MIPOL1: variants seen among roughly 807,000 people sequenced by gnomAD.
The protein encoded by MIPOL1 is mirror-image polydactyly 1.
MIPOL1 carries 57 observed loss-of-function variants against 60.9 expected under a neutral mutation model. The ratio of observed to expected loss-of-function variants is 0.94; its 90% confidence interval spans 0.76 to 1.17. The LOEUF is 1.17. Ranked by LOEUF, MIPOL1 falls within the 50% of genes most tolerant of loss-of-function variation. The pLI is 0.00. For synonymous variants in MIPOL1, 179 were observed against 168.8 expected, an observed-to-expected ratio of 1.06 and a Z score of -0.47; for missense variants, 551 against 511.6, an observed-to-expected ratio of 1.08 and a Z score of -0.74.
intron 11 of MIPOL1, among the ~76,000 whole-genome samples, chr14:37,461,332 A>T (rs541643671): frequency 6.6e-6 from 1 of 152,202 alleles, no homozygotes; most frequent in East Asian, 1.9e-4. Flanking sequence ...TGTGCAAGGG[A>T]ACTCTCATTT....
At chr14:37,369,670 T>G in intron 10 of MIPOL1, 46 bp downstream of exon 10, 1 of 1,441,688 alleles carries the variant, frequency 6.9e-7, no homozygotes, top group Non-Finnish European at 9.7e-7. Context: ...TTGTAAGCCC[T>G]TGGTGCCAGC....
At chr14:37,250,150 A>G (rs1471560487) in intron 3 of MIPOL1, among the ~76,000 whole-genome samples, 1 of 152,234 alleles carries the variant, frequency 6.6e-6, no homozygotes, top group Non-Finnish European at 1.5e-5. Context: ...TACAGCAGAC[A>G]TGACTGATAC....
chr14:37,274,715 C>T (rs2083521912), intron 6 of MIPOL1, among the ~76,000 whole-genome samples: 1 of 151,252 alleles, frequency 6.6e-6, no homozygotes, highest in Non-Finnish European at 1.5e-5. Flanking sequence ...CCTCACTAAG[C>T]ATTAGTTAAA....
At chr14:37,260,393 G>C (rs2082440965) in intron 3 of MIPOL1, among the ~76,000 whole-genome samples, 1 of 152,086 alleles carries the variant, frequency 6.6e-6, no homozygotes, top group South Asian at 2.1e-4. Flanking sequence ...TAGAAAGGGA[G>C]ACACACATAG....
chr14:37,349,240 G>T (rs185987251), intron 9 of MIPOL1, among the ~76,000 whole-genome samples: 5 of 152,032 alleles, frequency 3.3e-5, no homozygotes, highest in African/African-American at 1.2e-4. Context: ...CACCCACCTC[G>T]GCCTCCCAAA....
intron 1 of MIPOL1, among the ~76,000 whole-genome samples, chr14:37,225,376 C>T (rs1299179230): frequency 1.3e-5 from 2 of 152,250 alleles, no homozygotes; most frequent in African/African-American, 2.4e-5. Context: ...TCTGCCTGGA[C>T]ATCCAGGCAT....
At chr14:37,533,351 G>C (rs530630610) in intron 12 of MIPOL1, among the ~76,000 whole-genome samples, 1 of 152,106 alleles carries the variant, frequency 6.6e-6, no homozygotes, top group Non-Finnish European at 1.5e-5. Context: ...ATTGATTCCC[G>C]ATAAGAAAAA....
chr14:37,537,150 G>A (rs2095509798), intron 12 of MIPOL1, among the ~76,000 whole-genome samples: 1 of 152,096 alleles, frequency 6.6e-6, no homozygotes, highest in East Asian at 1.9e-4. Flanking sequence ...TGAACACGGT[G>A]GATGAAGTAG....
rs1192913959 is a variant in MIPOL1 at position 37,495,894 on chromosome 14, T to C, written c.1032-4014T>C. Among the ~76,000 whole-genome samples the C allele has an allele frequency of 4.7e-5, 7 of 148,812 alleles. No individual in the cohort carries two copies. The East Asian group carries it at 1.0e-3, about 21-fold the overall frequency. On this transcript the variant is annotated intron_variant, in intron 11 of 12. Transcript: ENST00000684589. ...TGATGGCCAGTGATGATGAGCATTT[T>C]TTCATGTGTTTTTTGGCTGCATAAA...
chr14:37,273,634 A>G (rs2083450360), intron 6 of MIPOL1, among the ~76,000 whole-genome samples: 1 of 151,456 alleles, frequency 6.6e-6, no homozygotes, highest in Admixed American at 6.6e-5. Context: ...GACCACATAA[A>G]ACAAAAGATG....
chr14:37,357,764 A>G (rs1161125068), intron 9 of MIPOL1, among the ~76,000 whole-genome samples: 4 of 151,218 alleles, frequency 2.6e-5, no homozygotes, highest in Admixed American at 2.6e-4. Flanking sequence ...TTTTAAGTTG[A>G]TGGGATCTCA....
At chr14:37,378,306 A>G (rs1043821336) in intron 10 of MIPOL1, among the ~76,000 whole-genome samples, 2 of 152,116 alleles carry the variant, frequency 1.3e-5, no homozygotes, top group East Asian at 1.9e-4. Context: ...AGGTCAACAG[A>G]TGAATGTCCA....
intron 7 of MIPOL1, among the ~76,000 whole-genome samples, chr14:37,296,932 G>T (rs1488556371): frequency 6.6e-6 from 1 of 152,100 alleles, no homozygotes; most frequent in African/African-American, 2.4e-5. Context: ...AGAAAAAGAG[G>T]GAATCCTCCC....
chr14:37,540,109 C>T (rs2095523792), intron 12 of MIPOL1, among the ~76,000 whole-genome samples: 1 of 152,210 alleles, frequency 6.6e-6, no homozygotes, highest in Admixed American at 6.5e-5. Context: ...TCATTTCAAC[C>T]TTCTTCCTTT....
At chr14:37,480,591 G>A (rs1334987472) in intron 11 of MIPOL1, among the ~76,000 whole-genome samples, 1 of 151,676 alleles carries the variant, frequency 6.6e-6, no homozygotes, top group Admixed American at 6.6e-5. Context: ...GAAGCCCACA[G>A]CTAACATTAC....
chr14:37,271,452 TTAAC>T (rs1311733810), intron 6 of MIPOL1, among the ~76,000 whole-genome samples: 4 of 151,934 alleles, frequency 2.6e-5, no homozygotes, highest in African/African-American at 9.7e-5. Context: ...AGAAATATGA[TTAAC>T]TAGGAGAGCT....
chr14:37,198,949 G>A (rs1047306246), intron 1 of MIPOL1, among the ~76,000 whole-genome samples: 1 of 152,064 alleles, frequency 6.6e-6, no homozygotes, highest in Non-Finnish European at 1.5e-5. Flanking sequence ...ATCATTCTAT[G>A]CAATCGTATG....
At chr14:37,202,259 T>A (rs976155448) in intron 1 of MIPOL1, among the ~76,000 whole-genome samples, 1 of 152,184 alleles carries the variant, frequency 6.6e-6, no homozygotes, top group Non-Finnish European at 1.5e-5. Context: ...ATTGTTTTTT[T>A]TAGTCTTACT....
chr14:37,221,511 C>A (rs1161080142), intron 1 of MIPOL1, among the ~76,000 whole-genome samples: 1 of 152,138 alleles, frequency 6.6e-6, no homozygotes, highest in Non-Finnish European at 1.5e-5. Flanking sequence ...GTTTAATTGA[C>A]TCACAGTTCC....
Sources: gnomAD v4.1 joint callset for allele counts (sites outside exome capture counted in the v4.1 genomes callset) on GRCh38, gnomAD v4.1.1 for gene constraint, MANE v1.5 for transcripts, NCBI Gene and HGNC (gene_info 2026-07-23, HGNC 2026-07-21) for gene names.